Variants in DNAH11 observed in about 807,000 individuals in gnomAD.
The protein encoded by DNAH11 is axonemal beta dynein heavy chain 11.
DNAH11 carries 442 observed loss-of-function variants against 526.0 expected under a neutral mutation model. That is an observed-to-expected ratio of 0.84 (90% CI 0.78 to 0.91). DNAH11 has a LOEUF of 0.91. Among genes scored for constraint, DNAH11 ranks in the 40% least tolerant of loss-of-function variants. The probability of loss-of-function intolerance (pLI) is 0.00; values close to 1 mark genes in which losing one functional copy is unlikely to be tolerated. For missense variants in DNAH11, 6,989 were observed against 5,448.7 expected (o/e 1.28, Z -8.90); for synonymous variants, 2,461 against 1,935.9 (o/e 1.27, Z -7.12).
chr7:21,618,614 C>T (rs1785896311), intron 23 of DNAH11: 1 of 168,224 alleles, frequency 5.9e-6, no homozygotes, highest in Admixed American at 6.4e-5. Context: ...AATAATGACA[C>T]TGTAAGACTA....
At chr7:21,559,040 G>T in intron 3 of DNAH11, 42 bp downstream of exon 3, 3 of 1,519,228 alleles carry the variant, frequency 2.0e-6, no homozygotes, top group Non-Finnish European at 2.7e-6. Flanking sequence ...AAAGTAGAGA[G>T]CCAGGCCAGC....
intron 55 of DNAH11, among the ~76,000 whole-genome samples, chr7:21,766,161 A>T (rs530760705): frequency 1.3e-5 from 2 of 152,310 alleles, no homozygotes; most frequent in South Asian, 2.1e-4. Flanking sequence ...CATGATGACA[A>T]ATTTAAAATT....
In DNAH11 at chr7:21,616,178, T is replaced by C. The variant is rs368572453; in HGVS notation, c.4012-31T>C. On this transcript the variant is annotated intron_variant, in intron 21 of 81. Coordinates refer to ENST00000409508, the MANE Select transcript of DNAH11 (RefSeq NM_001277115.2). ...AGAGACTTGCTTTCACCAAATGTTG[T>C]TGACACTTTTATCTGCTTTTGCGTT... The C allele has an allele frequency of 2.1e-4, 323 of 1,567,628 alleles. 1 individual carries two copies. The highest frequency in any genetic ancestry group is 2.8e-4 in the South Asian group (25 of 89,358).
At chr7:21,788,117 T>G (rs1276500150) in intron 60 of DNAH11, among the ~76,000 whole-genome samples, 2 of 152,206 alleles carry the variant, frequency 1.3e-5, no homozygotes, top group Non-Finnish European at 2.9e-5. Context: ...AGTCATTTAT[T>G]TATCAAATAT....
Position 21,861,589 on chromosome 7 carries a change from A to G in DNAH11, c.11203-264A>G, listed in dbSNP as rs139849382. 1.1e-4 allele frequency among the ~76,000 whole-genome samples: 16 copies of G among 152,376 alleles called. No individual in the cohort carries two copies. In the East Asian group the frequency reaches 2.7e-3, roughly 26 times the overall value. ...AATACTAAAATATTATTTTAAGTAC[A>G]TGGGCAGAAGGAGAGAAAATGATGC... On this transcript the variant is annotated intron_variant, in intron 68 of 81. Transcript: ENST00000409508.
intron 25 of DNAH11, among the ~76,000 whole-genome samples, chr7:21,629,874 A>C (rs1225646496): frequency 6.6e-6 from 1 of 152,058 alleles, no homozygotes; most frequent in Non-Finnish European, 1.5e-5. Context: ...TTAGCTATTC[A>C]GCCACTTTAT....
intron 57 of DNAH11, among the ~76,000 whole-genome samples, chr7:21,780,089 A>G (rs543651711): frequency 6.6e-6 from 1 of 151,936 alleles, no homozygotes; most frequent in African/African-American, 2.4e-5. Context: ...TGAAAAGTAT[A>G]TTGAACATCA....
chr7:21,858,026 T>C (rs2128028091), intron 68 of DNAH11, among the ~76,000 whole-genome samples: 1 of 152,160 alleles, frequency 6.6e-6, no homozygotes, highest in South Asian at 2.1e-4. Flanking sequence ...TACATATATA[T>C]AAAACAAAGA....
chr7:21,813,703 T>G (rs191337463), intron 63 of DNAH11, among the ~76,000 whole-genome samples: 13 of 152,334 alleles, frequency 8.5e-5, no homozygotes, highest in Non-Finnish European at 1.5e-4. Flanking sequence ...GTGAGCCTCC[T>G]TTTTTGTTTC....
At chr7:21,702,640 T>G in intron 36 of DNAH11, 70 bp from the exon 37 acceptor site, 1 of 1,357,614 alleles carries the variant, frequency 7.4e-7, no homozygotes, top group Non-Finnish European at 1.0e-6. Context: ...AACTTTCAGC[T>G]CTTACCTCTG....
chr7:21,720,840 C>T lies in DNAH11; in HGVS notation c.7250C>T (p.Thr2417Ile), dbSNP rs1784847855. ...VFACIWAFGG[T>I]LLQDQISDYQ... ...GCTTGTATCTGGGCTTTTGGAGGCA[C>T]CCTGCTACAAGATCAGGTATGTTTA... The change falls in exon 44 of 82, where the codon ACC becomes ATC. Residue 2417 changes from threonine (T) to isoleucine (I), a missense_variant. Transcript: ENST00000409508. 1 of 1,612,844 alleles carries T rather than the reference C, an allele frequency of 6.2e-7. No homozygotes were observed. Among genetic ancestry groups the T allele is most frequent in the Non-Finnish European group, 8.5e-7 (1 of 1,179,402 alleles).
Position 21,616,450 on chromosome 7 carries a change from A to C in DNAH11, c.4095+158A>C, listed in dbSNP as rs1785787811. 6 of 541,940 alleles carry C rather than the reference A, an allele frequency of 1.1e-5. No individual in the cohort carries two copies. The East Asian group carries it at 1.8e-4, about 16-fold the overall frequency. 33.6% of individuals were successfully genotyped at this position (541,940 alleles called of 1,614,324 possible). Reference sequence around the variant, plus strand: ...GTTTTTTTCACCCTTAGCCAGTTGCACTTCTAATCAAGCCTGTCTTTCTGT... The same window carrying C: ...GTTTTTTTCACCCTTAGCCAGTTGCCCTTCTAATCAAGCCTGTCTTTCTGT... On this transcript the variant is annotated intron_variant, in intron 22 of 81. Transcript: ENST00000409508.
chr7:21,771,413 C>T (rs1329417497), intron 55 of DNAH11, among the ~76,000 whole-genome samples: 1 of 152,162 alleles, frequency 6.6e-6, no homozygotes, highest in Non-Finnish European at 1.5e-5. Context: ...GGCTGGAGTA[C>T]TTGGTGTGGC....
intron 66 of DNAH11, among the ~76,000 whole-genome samples, chr7:21,849,097 C>T (rs927369762): frequency 6.6e-6 from 1 of 152,136 alleles, no homozygotes; most frequent in Non-Finnish European, 1.5e-5. Flanking sequence ...GTTGGTCAGG[C>T]TAGTCTCAAA....
intron 72 of DNAH11, among the ~76,000 whole-genome samples, chr7:21,868,618 A>G (rs1432715417): frequency 2.0e-5 from 3 of 152,234 alleles, no homozygotes; most frequent in East Asian, 3.8e-4. Context: ...CAAAATGTCA[A>G]TAGCTTCATT....
chr7:21,684,015 G>T, intron 32 of DNAH11, 71 bp downstream of exon 32: 1 of 1,503,702 alleles, frequency 6.7e-7, no homozygotes, highest in Non-Finnish European at 9.1e-7. Flanking sequence ...AGAATGAAAA[G>T]GAAGGAATGA....
At chr7:21,733,190 C>G (rs940045623) in intron 45 of DNAH11, among the ~76,000 whole-genome samples, 2 of 152,206 alleles carry the variant, frequency 1.3e-5, no homozygotes, top group African/African-American at 4.8e-5. Flanking sequence ...AATTCAAGAC[C>G]AGCCTAGCCA....
rs747173653 is a variant in DNAH11, at chr7:21,606,705, C to G, written c.3824C>G (p.Ala1275Gly). The change falls in exon 20 of 82, where the codon GCA becomes GGA. Residue 1275 changes from alanine (A) to glycine (G), a missense_variant. By Grantham distance (60) the Ala-to-Gly change is moderately conservative (BLOSUM62 0). Coordinates refer to ENST00000409508, the MANE Select transcript of DNAH11 (RefSeq NM_001277115.2). Reference sequence around the variant, plus strand: ...CACTATGCCCCTCTTGGATTTAATGCAGAAAATCCATACACAGCGCTTGAT... The same window carrying G: ...CACTATGCCCCTCTTGGATTTAATGGAGAAAATCCATACACAGCGCTTGAT... ...FRHYAPLGFN[A>G]ENPYTALDKA... 3 of 1,606,318 alleles carry G rather than the reference C, an allele frequency of 1.9e-6. No homozygotes were observed. The African/African-American group carries it at 4.1e-5, about 22-fold the overall frequency.
chr7:21,549,471 G>A (rs1024165333), intron 2 of DNAH11, among the ~76,000 whole-genome samples: 2 of 152,110 alleles, frequency 1.3e-5, no homozygotes, highest in South Asian at 4.1e-4. Flanking sequence ...ATTATGGTTT[G>A]GGGTTGGAGT....
Sources: gnomAD v4.1 joint callset for allele counts (sites outside exome capture counted in the v4.1 genomes callset) on GRCh38, gnomAD v4.1.1 for gene constraint, MANE v1.5 for transcripts, NCBI Gene and HGNC (gene_info 2026-07-23, HGNC 2026-07-21) for gene names.